PLCH1: variants seen among roughly 807,000 people sequenced by gnomAD.
PLCH1 encodes 1-phosphatidylinositol 4,5-bisphosphate phosphodiesterase eta-1.
PLCH1 carries 60 observed loss-of-function variants against 126.7 expected under a neutral mutation model. The observed-to-expected ratio is 0.47, with a 90% CI of 0.38 to 0.59. The LOEUF (loss-of-function observed/expected upper bound fraction) is 0.59. PLCH1 is among the 20% of genes least tolerant of loss of function. The pLI, the probability that PLCH1 is intolerant of heterozygous loss-of-function variation, is 0.00. For synonymous variants in PLCH1, 719 were observed against 734.9 expected (o/e 0.98, Z 0.35); for missense variants, 1,723 against 2,040.0 (o/e 0.84, Z 2.99).
At chr3:155,611,210 C>A (rs1328048151) in intron 2 of PLCH1, among the ~76,000 whole-genome samples, 1 of 151,884 alleles carries the variant, frequency 6.6e-6, no homozygotes, top group Non-Finnish European at 1.5e-5. Context: ...GATAACATGG[C>A]AAACCCCCTC....
At chr3:155,732,315 A>G (rs961081046) in intron 1 of PLCH1, among the ~76,000 whole-genome samples, 2 of 152,114 alleles carry the variant, frequency 1.3e-5, no homozygotes, top group Admixed American at 6.5e-5. Flanking sequence ...AGAAGAAAGT[A>G]TCTGTGAACT....
chr3:155,597,950 G>A (rs1314579751), intron 2 of PLCH1, among the ~76,000 whole-genome samples: 6 of 152,102 alleles, frequency 3.9e-5, no homozygotes, highest in Non-Finnish European at 5.9e-5. Flanking sequence ...TTGGGAGGCC[G>A]AGGCGGGTGG....
intron 10 of PLCH1, among the ~76,000 whole-genome samples, chr3:155,537,789 CAAT>C (rs1723644183): frequency 6.6e-6 from 1 of 152,020 alleles, no homozygotes; most frequent in African/African-American, 2.4e-5. Flanking sequence ...GACAGCAACA[CAAT>C]AATAGTGAGA....
chr3:155,586,209 A>G lies in PLCH1; in HGVS notation c.471-15T>C, dbSNP rs369569959. The G allele has an allele frequency of 7.4e-6, 12 of 1,613,940 alleles. No homozygotes were observed. The highest frequency in any genetic ancestry group is 1.6e-4 in the Middle Eastern group (1 of 6,062). ...GCTTCACCCATGTGCAGAAAGGTCA[A>G]AGAAAACACCTGTGCTCTCATCAAA... On this transcript the variant is annotated splice_polypyrimidine_tract_variant and intron_variant, in intron 4 of 22. Transcript: ENST00000460012.
At position 155,458,401 on chromosome 3, in the gene PLCH1, G is replaced by A. The variant is rs368235051; in HGVS notation, c.2938+26955C>T. On this transcript the variant is annotated intron_variant, in intron 21 of 21. Transcript: ENST00000494598. ...AAGAAAGAAAGAAGGAAGGAAGGAA[G>A]GAAGGAAGGAAGGAAGGAAGGAAGG... 5.6e-3 allele frequency among the ~76,000 whole-genome samples: 169 copies of A among 29,988 alleles called. 6 individuals carry two copies. Among genetic ancestry groups the A allele is most frequent in the African/African-American group, 0.046 (159 of 3,448 alleles). The allele number at this position is 29,988 out of a possible 152,430, so 19.7% of individuals were successfully genotyped here.
chr3:155,702,807 A>G (rs1364852427), intron 2 of PLCH1, among the ~76,000 whole-genome samples: 2 of 152,224 alleles, frequency 1.3e-5, no homozygotes, highest in African/African-American at 4.8e-5. Context: ...AATACGAATA[A>G]ATTTGCAACA....
intron 2 of PLCH1, among the ~76,000 whole-genome samples, chr3:155,692,635 C>T: frequency 6.6e-6 from 1 of 152,104 alleles, no homozygotes; most frequent in East Asian, 1.9e-4. Flanking sequence ...TTGCCTGCTT[C>T]TTGGGAATAC....
intron 2 of PLCH1, among the ~76,000 whole-genome samples, chr3:155,692,597 T>C (rs1348620144): frequency 6.6e-6 from 1 of 152,078 alleles, no homozygotes. Flanking sequence ...GCTGGGCACT[T>C]ACCACAGCAA....
At position 155,592,490 on chromosome 3, in the gene PLCH1, A is replaced by ATCACTCCG. The variant is rs146089924; in HGVS notation, c.470+1450_470+1451insCGGAGTGA. On this transcript the variant is annotated intron_variant, in intron 4 of 22. Transcript: ENST00000460012. ...AGCCTGGACGACAGAGCAAGACTCC[A>ATCACTCCG]TCTCCAAAAAAAAAAAAAAAATTGT... 1.8e-3 allele frequency among the ~76,000 whole-genome samples: 73 copies of ATCACTCCG among 41,442 alleles called. 6 individuals carry two copies. Among genetic ancestry groups the ATCACTCCG allele is most frequent in the Non-Finnish European group, 4.7e-3 (40 of 8,536 alleles). The allele number at this position is 41,442 out of a possible 152,430, so 27.2% of individuals were successfully genotyped here.
In PLCH1 at chr3:155,594,840, A is replaced by G. The variant is rs193015709; in HGVS notation, c.227-656T>C. ...TGACTATGTCAAATTTGTAGTTTAC[A>G]TATTTGTAGAAAATATGCAAAGACC... On this transcript the variant is annotated intron_variant, in intron 3 of 22. Transcript: ENST00000460012. 1.9e-4 allele frequency among the ~76,000 whole-genome samples: 29 copies of G among 152,374 alleles called. No individual in the cohort carries two copies. In the South Asian group the frequency reaches 4.8e-3, roughly 25 times the overall value.
chr3:155,537,962 C>T, intron 10 of PLCH1, among the ~76,000 whole-genome samples: 1 of 151,968 alleles, frequency 6.6e-6, no homozygotes, highest in East Asian at 1.9e-4. Flanking sequence ...TTAATTAGGA[C>T]AGGAAACATT....
In PLCH1 at chr3:155,494,361, T is replaced by C. The variant is rs573550065; in HGVS notation, c.2051A>G (p.Tyr684Cys). The C allele has an allele frequency of 1.9e-6, 3 of 1,613,964 alleles. No homozygotes were observed. The South Asian group carries it at 3.3e-5, about 18-fold the overall frequency. Reference sequence around the variant, plus strand: ...ACCTAGCTGGCAGCCTGCGTTCCAGTAGGGGAGAGGGTTGAAGTTACTGGA... The same window carrying C: ...ACCTAGCTGGCAGCCTGCGTTCCAGCAGGGGAGAGGGTTGAAGTTACTGGA... ...IDSSNFNPLP[Y>C]WNAGCQLVAL... Residue 684 changes from tyrosine (Y) to cysteine (C), a missense_variant, in exon 16 of 23, where the codon TAC (tyrosine) becomes TGC (cysteine). This residue lies in a region of PLCH1 where 776 missense variants were observed against 1,062.9 expected (regional missense o/e 0.73). Transcript: ENST00000460012.
At chr3:155,573,729 T>C (rs1401451956) in intron 6 of PLCH1, among the ~76,000 whole-genome samples, 1 of 152,138 alleles carries the variant, frequency 6.6e-6, no homozygotes, top group Admixed American at 6.5e-5. Context: ...AAGCAAGTCA[T>C]TAAACTGGCA....
At chr3:155,688,428 T>C (rs1745116392) in intron 2 of PLCH1, among the ~76,000 whole-genome samples, 1 of 152,204 alleles carries the variant, frequency 6.6e-6, no homozygotes, top group Non-Finnish European at 1.5e-5. Flanking sequence ...CTTTTAGAAT[T>C]AACCCCCAGG....
chr3:155,529,958 G>A (rs1722454830), intron 10 of PLCH1, among the ~76,000 whole-genome samples: 1 of 152,036 alleles, frequency 6.6e-6, no homozygotes, highest in Non-Finnish European at 1.5e-5. Context: ...GTAGAGATGG[G>A]GTTTTACCAT....
At chr3:155,591,455 A>G (rs1388275773) in intron 4 of PLCH1, among the ~76,000 whole-genome samples, 5 of 152,204 alleles carry the variant, frequency 3.3e-5, no homozygotes, top group Non-Finnish European at 2.9e-5. Context: ...GTGTACTTCA[A>G]TCAAAACAAC....
chr3:155,699,199 C>T (rs984023055), intron 2 of PLCH1, among the ~76,000 whole-genome samples: 2 of 151,952 alleles, frequency 1.3e-5, no homozygotes, highest in African/African-American at 4.8e-5. Context: ...CCTCAGCCTC[C>T]CAAGTAGCTG....
chr3:155,592,819 A>G (rs1249132399), intron 4 of PLCH1, among the ~76,000 whole-genome samples: 1 of 152,222 alleles, frequency 6.6e-6, no homozygotes, highest in East Asian at 1.9e-4. Context: ...TGTTTACCAA[A>G]TGTTAAAGAG....
At chr3:155,618,712 T>A (rs982500304) in intron 2 of PLCH1, among the ~76,000 whole-genome samples, 4 of 152,174 alleles carry the variant, frequency 2.6e-5, no homozygotes, top group African/African-American at 9.6e-5. Flanking sequence ...AGTGGCACCA[T>A]AGGGCTCACT....
Sources: allele counts gnomAD v4.1 joint callset (sites outside exome capture counted in the v4.1 genomes callset), GRCh38; gene constraint gnomAD v4.1.1; regional missense constraint gnomAD v4.1.1; transcripts MANE v1.5; gene names NCBI Gene and HGNC (gene_info 2026-07-23, HGNC 2026-07-21).